HAP1: variants seen among roughly 807,000 people sequenced by gnomAD.
HAP1 encodes the protein huntingtin associated protein 1.
HAP1 carries 59 observed loss-of-function variants against 60.3 expected under a neutral mutation model. The observed-to-expected ratio is 0.98, with a 90% CI of 0.79 to 1.22. HAP1 has a LOEUF of 1.22. Ranked by LOEUF, HAP1 falls within the 50% of genes most tolerant of loss-of-function variation. HAP1 has a pLI of 0.00. For synonymous variants in HAP1, 346 were observed against 330.6 expected, an observed-to-expected ratio of 1.05 and a Z score of -0.50; for missense variants, 825 against 785.3, an observed-to-expected ratio of 1.05 and a Z score of -0.60.
At chr17:41,720,634 C>T (rs932781909), downstream of HAP1, among the ~76,000 whole-genome samples, 28 of 152,284 alleles carry the variant, frequency 1.8e-4, no homozygotes, top group African/African-American at 5.8e-4. Context: ...AGTCCTTATG[C>T]CAAAGTGGCA....
In HAP1 at chr17:41,734,445, C is replaced by T. The variant is rs782259290; in HGVS notation, c.190G>A (p.Ala64Thr). The change falls in exon 1 of 11, where the codon GCC becomes ACC. Residue 64 changes from alanine to threonine, a missense_variant. By Grantham distance (58) the Ala-to-Thr change is moderately conservative. Transcript: ENST00000347901. ...ATSGSQFLSE[A>T]RTGARPASEA... ...GAGGCCGGGCGAGCTCCGGTGCGGG[C>T]TTCCGAGAGGAACTGGGATCCAGAG... The T allele has an allele frequency of 3.7e-6, 6 of 1,608,742 alleles. No homozygotes were observed. The East Asian group carries it at 6.7e-5, about 18-fold the overall frequency.
Position 41,732,058 on chromosome 17 carries a change from A to G in HAP1, c.775T>C (p.Ser259Pro), listed in dbSNP as rs1912251607. ...RDELLQLYSD[S>P]DEEDEDEEEE... is the part of the protein sequence containing the mutation. The stretch of plus-strand genomic sequence containing the variant: ...TCTTCATCCTCATCCTCCTCATCAG[A>G]ATCTGAGTAGAGCTGGAGGAGCTCA... Residue 259 changes from serine (S) to proline (P), a missense_variant, in exon 4 of 11, where the codon TCT becomes CCT. Physicochemically the swap from Ser to Pro is moderately conservative, Grantham distance 74 (BLOSUM62 -1). Coordinates refer to ENST00000347901, the MANE Select transcript of HAP1 (RefSeq NM_177977.3). 6.2e-7 allele frequency: 1 copy of G among 1,608,586 alleles called. No homozygotes were observed. Among genetic ancestry groups the G allele is most frequent in the South Asian group, 1.1e-5 (1 of 90,958 alleles).
rs1477270342 is a variant in HAP1 at position 41,724,550 on chromosome 17, G to A, written c.*151C>T. On this transcript the variant is annotated 3_prime_UTR_variant, in exon 11 of 11. Coordinates refer to ENST00000347901, the MANE Select transcript of HAP1 (RefSeq NM_177977.3). ...TGGAGATCTGGAATCCTAAGCAAAT[G>A]CCACATAAATGAGCACTGACACTAC... 2 of 653,030 alleles carry A rather than the reference G, an allele frequency of 3.1e-6. No homozygotes were observed. The highest frequency in any genetic ancestry group is 2.6e-5 in the Admixed American group (1 of 38,084). The allele number at this position is 653,030 out of a possible 1,614,324, so 40.5% of individuals were successfully genotyped here. A position where few individuals can be genotyped will look rare whatever the true frequency, so the allele number is the denominator to read the frequency against.
At position 41,731,982 on chromosome 17, in the gene HAP1, G is replaced by GCTT; in HGVS notation, c.848_850dup (p.Glu283dup). 2 of 1,208,904 alleles carry GCTT rather than the reference G, an allele frequency of 1.7e-6. No homozygotes were observed. Among genetic ancestry groups the GCTT allele is most frequent in the Non-Finnish European group, 1.2e-6 (1 of 822,238 alleles). The allele number at this position is 1,208,904 out of a possible 1,614,324, so 74.9% of individuals were successfully genotyped here. ...ATGAGCACACTGCAGGTCTTCCTCT[G>GCTT]CTTCTTCTTCTTCCTGTTCCTCTTC... On this transcript the variant is annotated inframe_insertion, in exon 4 of 11. Transcript: ENST00000347901.
Position 41,732,763 on chromosome 17 carries a change from T to A in HAP1, c.505A>T (p.Ile169Phe). Residue 169 changes from isoleucine to phenylalanine, a missense_variant, in exon 2 of 11, where the codon ATC (isoleucine) becomes TTC (phenylalanine). Physicochemically the swap from Ile to Phe is conservative, Grantham distance 21. Coordinates refer to ENST00000347901, the MANE Select transcript of HAP1 (RefSeq NM_177977.3). Reference protein sequence around the residue: ...CPNLPPPVKKITQEDVKVMLY... With the variant: ...CPNLPPPVKKFTQEDVKVMLY... ...ATCACTTTGACGTCTTCCTGGGTGA[T>A]CTTTTTGACTGGCGGAGGTAGGTTA... The A allele has an allele frequency of 6.2e-7, 1 of 1,613,120 alleles. No homozygotes were observed. Among genetic ancestry groups the A allele is most frequent in the Non-Finnish European group, 8.5e-7 (1 of 1,179,140 alleles).
In HAP1 at chr17:41,732,785, G is replaced by C. The variant is rs782714745; in HGVS notation, c.483C>G (p.Asn161Lys). The change falls in exon 2 of 11, where the codon AAC becomes AAG. Residue 161 changes from asparagine to lysine, a missense_variant. Asn to Lys is a moderately conservative substitution (Grantham distance 94). Coordinates refer to ENST00000347901, the MANE Select transcript of HAP1 (RefSeq NM_177977.3). ...TGATCTTTTTGACTGGCGGAGGTAG[G>C]TTAGGACACAGTGCTGCAGGAGGCG... ...IRELEEALCP[N>K]LPPPVKKITQ... 6.2e-7 allele frequency: 1 copy of C among 1,610,456 alleles called. No individual in the cohort carries two copies. Among genetic ancestry groups the C allele is most frequent in the Non-Finnish European group, 8.5e-7 (1 of 1,176,698 alleles).
chr17:41,730,224 GCT>G (rs1206119747), intron 6 of HAP1: 1 of 151,396 alleles, frequency 6.6e-6, no homozygotes, highest in East Asian at 1.9e-4. Context: ...GTTTTGACCT[GCT>G]CTGTTTCTGA....
At position 41,734,551 on chromosome 17, in the gene HAP1, C is replaced by T; in HGVS notation, c.84G>A (p.Ser28=). ...GCTCCGGAGCGGGACTGGCTGAGGG[C>T]GAAGGTGCACAGGTGAGTGCTGCTG... ...GDPAALTCAP[S]PSASPAPEPS... The change falls in exon 1 of 11, where the codon TCG becomes TCA. Residue 28 remains serine (S), a synonymous_variant. Coordinates refer to ENST00000347901, the MANE Select transcript of HAP1 (RefSeq NM_177977.3). 5.0e-6 allele frequency: 8 copies of T among 1,608,914 alleles called. No homozygotes were observed. Among genetic ancestry groups the T allele is most frequent in the East Asian group, 2.2e-5 (1 of 44,810 alleles).
chr17:41,719,631 T>G (rs1483759310), downstream of HAP1, among the ~76,000 whole-genome samples: 2 of 151,702 alleles, frequency 1.3e-5, no homozygotes, highest in African/African-American at 4.8e-5. Context: ...AGGCAGAGGT[T>G]GCAGTGAGCT....
At chr17:41,726,098 C>T (rs542528619) in intron 9 of HAP1, among the ~76,000 whole-genome samples, 23 of 151,958 alleles carry the variant, frequency 1.5e-4, no homozygotes, top group South Asian at 4.2e-4. Context: ...GGTAAAACCC[C>T]GTCTCTACTA....
rs1270367611 is a variant in HAP1 at position 41,726,401 on chromosome 17, C to A, written c.1368-504G>T. On this transcript the variant is annotated intron_variant, in intron 9 of 10. Transcript: ENST00000347901. ...CCTGGACAACAAAACAAGACTCCAT[C>A]TCAAAAAACAAAAAAAAAATTAGCC... 9.8e-5 allele frequency among the ~76,000 whole-genome samples: 6 copies of A among 60,922 alleles called. 2 individuals are homozygous for A. The highest frequency in any genetic ancestry group is 3.0e-4 in the African/African-American group (6 of 20,068). The allele number at this position is 60,922 out of a possible 152,430, so 40.0% of individuals were successfully genotyped here. A position where few individuals can be genotyped will look rare whatever the true frequency, so the allele number is the denominator to read the frequency against.
chr17:41,730,559 A>G (rs1912118626), intron 6 of HAP1, among the ~76,000 whole-genome samples: 1 of 152,152 alleles, frequency 6.6e-6, no homozygotes, highest in African/African-American at 2.4e-5. Context: ...AGGAGGTAAA[A>G]GCAACAGAGC....
chr17:41,729,549 C>CCAAAAAAA (rs1911965370), intron 6 of HAP1, among the ~76,000 whole-genome samples: 2 of 63,108 alleles, frequency 3.2e-5, no homozygotes, highest in East Asian at 3.8e-4. Flanking sequence ...GCCTCCTTCT[C>CCAAAAAAA]AAAAAAAAAA....
chr17:41,734,504 C>T lies in HAP1; in HGVS notation c.131G>A (p.Arg44Gln). 1 of 1,612,146 alleles carries T rather than the reference C, an allele frequency of 6.2e-7. No homozygotes were observed. The highest frequency in any genetic ancestry group is 8.5e-7 in the Non-Finnish European group (1 of 1,179,764). ...APEPSAQPQA[R>Q]GTGQRVGSRA... Reference sequence around the variant, plus strand: ...GGATCCTACTCTCTGTCCAGTGCCCCGTGCCTGCGGCTGCGCAGAGGGCTC... The same window carrying T: ...GGATCCTACTCTCTGTCCAGTGCCCTGTGCCTGCGGCTGCGCAGAGGGCTC... The change falls in exon 1 of 11, where the codon CGG becomes CAG. Residue 44 changes from arginine to glutamine, a missense_variant. Physicochemically the swap from Arg to Gln is conservative, Grantham distance 43 (BLOSUM62 1). Transcript: ENST00000347901.
intron 7 of HAP1, 70 bp downstream of exon 7, chr17:41,728,131 G>A (rs529231640): frequency 6.4e-7 from 1 of 1,558,954 alleles, no homozygotes; most frequent in Admixed American, 1.7e-5. Flanking sequence ...GGAGCCGAGT[G>A]GAGGCAGGAA....
In HAP1 at chr17:41,734,497, A is replaced by G; in HGVS notation, c.138T>C (p.Thr46=). The change falls in exon 1 of 11, where the codon ACT becomes ACC. Residue 46 remains threonine, a synonymous_variant. Transcript: ENST00000347901. ...EPSAQPQARG[T]GQRVGSRATS... ...TGGCTCGGGATCCTACTCTCTGTCC[A>G]GTGCCCCGTGCCTGCGGCTGCGCAG... The G allele has an allele frequency of 6.2e-7, 1 of 1,611,984 alleles. No homozygotes were observed. Among genetic ancestry groups the G allele is most frequent in the Non-Finnish European group, 8.5e-7 (1 of 1,179,530 alleles).
In HAP1 at chr17:41,724,866, C is replaced by G; in HGVS notation, c.1695G>C (p.Leu565Phe). The change falls in exon 11 of 11, where the codon TTG (leucine) becomes TTC (phenylalanine). Residue 565 changes from leucine (L) to phenylalanine (F), a missense_variant. Coordinates refer to ENST00000347901, the MANE Select transcript of HAP1 (RefSeq NM_177977.3). ...VVTSALEASG[L>F]GPSHLDMNYV... ...AATTCATGTCCAGGTGTGAAGGGCCCAAGCCGCTGGCCTCCAGGGCTGATG... is the reference window on the plus strand; with the variant it reads ...AATTCATGTCCAGGTGTGAAGGGCCGAAGCCGCTGGCCTCCAGGGCTGATG... 1.9e-6 allele frequency: 3 copies of G among 1,613,658 alleles called. No homozygotes were observed. Among genetic ancestry groups the G allele is most frequent in the East Asian group, 4.5e-5 (2 of 44,880 alleles).
Position 41,727,109 on chromosome 17 carries a change from C to T in HAP1, c.1311G>A (p.Glu437=). 1 of 1,595,954 alleles carries T rather than the reference C, an allele frequency of 6.3e-7. No homozygotes were observed. The highest frequency in any genetic ancestry group is 1.3e-5 in the African/African-American group (1 of 74,834). Residue 437 remains glutamate, a synonymous_variant, in exon 9 of 11, where the codon GAG becomes GAA. Transcript: ENST00000347901. ...TLPGFQETLA[E]ELRTSLRRMI... ...TCCTCCTTAGAGACGTTCTGAGCTC[C>T]TCAGCCAGCGTCTCCTGGAAACCAG...
rs1446082934 is a variant in HAP1, at chr17:41,732,452, C to T, written c.550-58G>A. 398 of 1,559,498 alleles carry T rather than the reference C, an allele frequency of 2.6e-4. 1 individual carries two copies. The highest frequency in any genetic ancestry group is 1.3e-4 in the Non-Finnish European group (144 of 1,141,834). ...GGCCCCTAAGAGAACCTTCCCCATC[C>T]CCTAGTTCTCTAGGGTACCAGACCA... is the stretch of plus-strand genomic sequence containing the variant. On this transcript the variant is annotated intron_variant, in intron 2 of 10. Coordinates refer to ENST00000347901, the MANE Select transcript of HAP1 (RefSeq NM_177977.3).
Sources: gnomAD v4.1 joint callset for allele counts (sites outside exome capture counted in the v4.1 genomes callset) on GRCh38, gnomAD v4.1.1 for gene constraint, MANE v1.5 for transcripts, NCBI Gene and HGNC (gene_info 2026-07-23, HGNC 2026-07-21) for gene names.